Variants in FSTL4 observed in about 807,000 individuals in gnomAD.
The protein encoded by FSTL4 is follistatin-related protein 4.
FSTL4 carries 28 observed loss-of-function variants against 78.2 expected under a neutral mutation model. The observed-to-expected ratio is 0.36, with a 90% CI of 0.27 to 0.49. The LOEUF is 0.49. Ranked by LOEUF, FSTL4 falls within the 20% of genes least tolerant of loss-of-function variation. The pLI, the probability that FSTL4 is intolerant of heterozygous loss-of-function variation, is 0.98. For missense variants in FSTL4, 922 were observed against 1,084.9 expected (o/e 0.85, Z 2.11); for synonymous variants, 422 against 440.5 (o/e 0.96, Z 0.53).
chr5:133,504,055 G>A (rs913370460), intron 3 of FSTL4, among the ~76,000 whole-genome samples: 1 of 152,106 alleles, frequency 6.6e-6, no homozygotes, highest in African/African-American at 2.4e-5. Flanking sequence ...ACTATCACAA[G>A]AATATCATGG....
At chr5:133,217,476 CCT>C (rs915810113) in intron 12 of FSTL4, 98 bp from the exon 13 acceptor site, 7 of 1,145,778 alleles carry the variant, frequency 6.1e-6, no homozygotes, top group Non-Finnish European at 7.5e-6. Context: ...TGCCTTTCTT[CCT>C]CTCTCTTAGA....
intron 4 of FSTL4, among the ~76,000 whole-genome samples, chr5:133,332,095 T>C (rs1463993629): frequency 2.6e-5 from 4 of 152,128 alleles, no homozygotes; most frequent in African/African-American, 9.7e-5. Flanking sequence ...GGGTTGGCAG[T>C]GGGGATAAAC....
chr5:133,230,840 G>GTCATTAGCAACATCTC (rs1304049006), intron 8 of FSTL4, among the ~76,000 whole-genome samples: 2 of 152,206 alleles, frequency 1.3e-5, no homozygotes, highest in Admixed American at 1.3e-4. Context: ...CTCATGTTCT[G>GTCATTAGCAACATCTC]TCATTAGCAA....
chr5:133,338,663 T>C lies in FSTL4; in HGVS notation c.410-22011A>G, dbSNP rs770463050. Among the ~76,000 whole-genome samples, 15 of 151,984 alleles carry C rather than the reference T, an allele frequency of 9.9e-5. No individual in the cohort carries two copies. Among genetic ancestry groups the C allele is most frequent in the African/African-American group, 1.5e-4 (6 of 41,360 alleles). ...ACTGTTGGCCTGACATTTCCCCACA[T>C]TGTCCCACAGGCCCCTCAACTCAAC... On this transcript the variant is annotated intron_variant, in intron 4 of 15. Coordinates refer to ENST00000265342, the MANE Select transcript of FSTL4 (RefSeq NM_015082.2). This position sits in a 1 kb window ranked among gnomAD's most constrained non-coding sequence, Gnocchi z 4.0.
the FSTL4 span, among the ~76,000 whole-genome samples, chr5:133,799,929 C>T: frequency 7.2e-6 from 1 of 139,468 alleles, no homozygotes; most frequent in South Asian, 2.3e-4. Context: ...TGATGTTCTG[C>T]AGTTCATCCC....
At chr5:133,626,996 A>G in the FSTL4 span, among the ~76,000 whole-genome samples, 2 of 152,034 alleles carry the variant, frequency 1.3e-5, no homozygotes, top group Admixed American at 1.3e-4. Flanking sequence ...GAAGTCTCCA[A>G]CTATAACTGA....
At chr5:133,743,887 G>A in the FSTL4 span, among the ~76,000 whole-genome samples, 1 of 152,216 alleles carries the variant, frequency 6.6e-6, no homozygotes, top group African/African-American at 2.4e-5. Flanking sequence ...ATAGTCAGGT[G>A]ACCCCAGCCA....
At chr5:133,785,906 G>A in the FSTL4 span, among the ~76,000 whole-genome samples, 304 of 152,306 alleles carry the variant, frequency 2.0e-3, 4 homozygotes, top group Non-Finnish European at 7.1e-4. Flanking sequence ...GCTGGCAGAT[G>A]CCAGCCCATT....
At chr5:133,567,075 G>A (rs1041851420) in intron 3 of FSTL4, 111 bp downstream of exon 3, 7 of 823,770 alleles carry the variant, frequency 8.5e-6, no homozygotes, top group East Asian at 2.5e-5. Context: ...AAGGCCGCAT[G>A]AAATTTCAAA....
chr5:133,747,386 C>A, the FSTL4 span, among the ~76,000 whole-genome samples: 3 of 152,306 alleles, frequency 2.0e-5, no homozygotes, highest in Admixed American at 1.3e-4. Context: ...CTGTGGCACC[C>A]GGTAATTTAG....
At chr5:133,516,916 A>C (rs1758863616) in intron 3 of FSTL4, among the ~76,000 whole-genome samples, 2 of 152,278 alleles carry the variant, frequency 1.3e-5, no homozygotes, top group African/African-American at 4.8e-5. Flanking sequence ...AAGATAATTA[A>C]ATCAAATCTC....
At chr5:133,217,468 C>T (rs1750948507) in intron 12 of FSTL4, 90 bp from the exon 13 acceptor site, 1 of 1,206,292 alleles carries the variant, frequency 8.3e-7, no homozygotes, top group South Asian at 1.5e-5. Flanking sequence ...CTCCTCTGTG[C>T]CTTTCTTCCT....
rs149404033 is a variant in FSTL4 at position 133,360,869 on chromosome 5, G to A, written c.409+39869C>T. The stretch of plus-strand genomic sequence containing the variant: ...TCTGTCATGTTTCCCAATTATCACC[G>A]TGAGTGATACTCCCTAACGCAGGGA... On this transcript the variant is annotated intron_variant, in intron 4 of 15. Coordinates refer to ENST00000265342, the MANE Select transcript of FSTL4 (RefSeq NM_015082.2). 2.6e-3 allele frequency among the ~76,000 whole-genome samples: 393 copies of A among 152,256 alleles called. 1 individual carries two copies. The highest frequency in any genetic ancestry group is 9.0e-3 in the African/African-American group (375 of 41,556).
the FSTL4 span, among the ~76,000 whole-genome samples, chr5:133,687,626 T>C: frequency 6.6e-6 from 1 of 152,224 alleles, no homozygotes; most frequent in African/African-American, 2.4e-5. Flanking sequence ...AATTCAAACA[T>C]GTTTTGGGTT....
the FSTL4 span, among the ~76,000 whole-genome samples, chr5:133,656,144 TA>T: frequency 1.3e-5 from 2 of 152,240 alleles, no homozygotes; most frequent in East Asian, 3.9e-4. Flanking sequence ...ATTTAAGAGG[TA>T]CATCTCAGGA....
At chr5:133,305,575 C>T (rs1028117984) in intron 6 of FSTL4, among the ~76,000 whole-genome samples, 20 of 152,198 alleles carry the variant, frequency 1.3e-4, no homozygotes, top group African/African-American at 4.8e-4. Context: ...TCAGCTCCTA[C>T]TTTGTTTATT....
chr5:133,295,175 AT>A (rs1753361145), intron 6 of FSTL4, among the ~76,000 whole-genome samples: 1 of 152,070 alleles, frequency 6.6e-6, no homozygotes, highest in African/African-American at 2.4e-5. Context: ...ACGCTCAGCC[AT>A]GACCTTGCTT....
chr5:133,806,720 G>C, the FSTL4 span, among the ~76,000 whole-genome samples: 1 of 152,222 alleles, frequency 6.6e-6, no homozygotes, highest in Non-Finnish European at 1.5e-5. Context: ...AGAACTGCCT[G>C]AGTGCTGCTG....
At chr5:133,230,690 G>C (rs1751467844) in intron 8 of FSTL4, among the ~76,000 whole-genome samples, 3 of 152,108 alleles carry the variant, frequency 2.0e-5, no homozygotes, top group Non-Finnish European at 4.4e-5. Context: ...CGTCTCCCCA[G>C]TTTTGCCCCA....
Sources: gnomAD v4.1 joint callset for allele counts (sites outside exome capture counted in the v4.1 genomes callset) on GRCh38, gnomAD v4.1.1 for gene constraint, Gnocchi (gnomAD v3.1) non-coding constraint, MANE v1.5 for transcripts, NCBI Gene and HGNC (gene_info 2026-07-23, HGNC 2026-07-21) for gene names.